USP25: variants seen among roughly 807,000 people sequenced by gnomAD.
USP25 encodes the protein ubiquitin specific peptidase 25.
In USP25, 85 loss-of-function variants were observed where a neutral mutation model predicts 158.5. That is an observed-to-expected ratio of 0.54 (90% CI 0.45 to 0.64). The LOEUF is 0.64. USP25 is among the 30% of genes least tolerant of loss of function. The probability of loss-of-function intolerance (pLI) is 0.00; values close to 1 mark genes in which losing one functional copy is unlikely to be tolerated. For missense variants in USP25, 1,242 were observed against 1,327.3 expected, an observed-to-expected ratio of 0.94 and a Z score of 1.00; for synonymous variants, 464 against 460.4, an observed-to-expected ratio of 1.01 and a Z score of -0.10.
rs553679086 is a variant in USP25, at chr21:15,826,810, G to T, written c.1467-167G>T. Among the ~76,000 whole-genome samples the T allele has an allele frequency of 5.3e-5, 8 of 152,222 alleles. No homozygotes were observed. The highest frequency in any genetic ancestry group is 1.9e-4 in the African/African-American group (8 of 41,536). On this transcript the variant is annotated intron_variant, in intron 13 of 25. Coordinates refer to ENST00000400183, the MANE Select transcript of USP25 (RefSeq NM_001283041.3). This position sits in a 1 kb window ranked among gnomAD's most constrained non-coding sequence, Gnocchi z 4.8. The stretch of plus-strand genomic sequence containing the variant: ...TACAACTTCATCTTATAATAATTTA[G>T]TTCTTATGTATTAAAAATCTCATTT...
At chr21:15,756,185 C>G (rs192435786) in intron 1 of USP25, among the ~76,000 whole-genome samples, 3 of 152,122 alleles carry the variant, frequency 2.0e-5, no homozygotes, top group African/African-American at 7.2e-5. Flanking sequence ...TTAATCTTCT[C>G]TGGTTTATAT....
At chr21:15,844,295 T>G (rs1354368156) in intron 18 of USP25, among the ~76,000 whole-genome samples, 1 of 152,158 alleles carries the variant, frequency 6.6e-6, no homozygotes, top group Non-Finnish European at 1.5e-5. Flanking sequence ...AGGTGAAAAG[T>G]ATCTTCAGAC....
intron 1 of USP25, among the ~76,000 whole-genome samples, chr21:15,741,982 G>A (rs190853280): frequency 2.6e-5 from 4 of 152,124 alleles, no homozygotes; most frequent in African/African-American, 9.6e-5. Context: ...ATTACACCGT[G>A]TACAAAAATA....
intron 22 of USP25, among the ~76,000 whole-genome samples, chr21:15,869,034 C>A (rs1336955132): frequency 1.3e-5 from 2 of 152,022 alleles, no homozygotes. Context: ...TTGTTTGAGG[C>A]CAGGAATTTG....
At chr21:15,793,728 T>G (rs1001670169) in intron 5 of USP25, among the ~76,000 whole-genome samples, 6 of 151,578 alleles carry the variant, frequency 4.0e-5, no homozygotes, top group Admixed American at 2.6e-4. Context: ...TAGAAAACAC[T>G]AAGCATCAGA....
In USP25 at chr21:15,842,420, A is replaced by C; in HGVS notation, c.2217A>C (p.Glu739Asp). ...VTTAQAAGDPEYLEQPSRSDF... is the reference protein window; with the variant it reads ...VTTAQAAGDPDYLEQPSRSDF... ...AAGCACAAGCAGCAGGAGACCCAGAATATCTAGAGCAGCCATCAAGAAGTG... is the reference window on the plus strand; with the variant it reads ...AAGCACAAGCAGCAGGAGACCCAGACTATCTAGAGCAGCCATCAAGAAGTG... Residue 739 changes from glutamate to aspartate, a missense_variant, in exon 18 of 26, where the codon GAA (glutamate) becomes GAC (aspartate). By Grantham distance (45) the Glu-to-Asp change is conservative. This residue lies in a region of USP25 where 608 missense variants were observed against 605.2 expected (regional missense o/e 1.00). Transcript: ENST00000400183. 6.2e-7 allele frequency: 1 copy of C among 1,613,670 alleles called. No individual in the cohort carries two copies. The highest frequency in any genetic ancestry group is 8.5e-7 in the Non-Finnish European group (1 of 1,179,722).
rs1342781020 is a variant in USP25, at chr21:15,879,747, GTTCT to G, written c.*1275_*1278del. ...TTGATACAGCGTCGCCAAAACTAGT[GTTCT>G]TTATTAGTGCCTCTCACAAAAGATC... On this transcript the variant is annotated 3_prime_UTR_variant, in exon 26 of 26. Transcript: ENST00000400183. 14 of 152,506 alleles carry G rather than the reference GTTCT, an allele frequency of 9.2e-5. No homozygotes were observed. Among genetic ancestry groups the G allele is most frequent in the Non-Finnish European group, 2.1e-4 (14 of 67,990 alleles). The allele number at this position is 152,506 out of a possible 1,614,324, so 9.4% of individuals were successfully genotyped here.
In USP25 at chr21:15,730,427, G is replaced by A. The variant is rs1397475139; in HGVS notation, c.34G>A (p.Ala12Thr). The A allele has an allele frequency of 7.3e-7, 1 of 1,365,756 alleles. No individual in the cohort carries two copies. 84.6% of individuals were successfully genotyped at this position (1,365,756 alleles called of 1,614,324 possible). ...GGAGCAGAACGTGCTGCAGCAGAGC[G>A]CGGCGCAGAAGGTGAGGCGAGTCCG... ...TVEQNVLQQS[A>T]AQKHQQTFLN... Residue 12 changes from alanine (A) to threonine (T), a missense_variant, in exon 1 of 26, where the codon GCG becomes ACG. Transcript: ENST00000400183.
chr21:15,742,864 C>T (rs1202128967), intron 1 of USP25, among the ~76,000 whole-genome samples: 1 of 152,238 alleles, frequency 6.6e-6, no homozygotes, highest in Non-Finnish European at 1.5e-5. Context: ...ATCCCACGAC[C>T]ACTGCCACTC....
intron 1 of USP25, among the ~76,000 whole-genome samples, chr21:15,759,645 T>G (rs2123380494): frequency 6.6e-6 from 1 of 152,294 alleles, no homozygotes; most frequent in Non-Finnish European, 1.5e-5. Flanking sequence ...GGTTTTATCA[T>G]GCAAATGAAG....
rs141033614 is a variant in USP25 at position 15,831,652 on chromosome 21, G to A, written c.1993+23G>A. The A allele has an allele frequency of 4.6e-5, 74 of 1,595,576 alleles. No individual in the cohort carries two copies. The Middle Eastern group carries it at 1.3e-3, about 29-fold the overall frequency. On this transcript the variant is annotated intron_variant, in intron 16 of 25. Transcript: ENST00000400183. Reference sequence around the variant, plus strand: ...AAGGTAAGAATATATAGGGTGGTGTGTATTTTTAAATAGTCATAAAAGTGG... The same window carrying A: ...AAGGTAAGAATATATAGGGTGGTGTATATTTTTAAATAGTCATAAAAGTGG...
chr21:15,767,966 CA>C (rs937337158), intron 3 of USP25, among the ~76,000 whole-genome samples: 1 of 151,100 alleles, frequency 6.6e-6, no homozygotes. Context: ...TTATGGAGGA[CA>C]AAAAAAAATT....
rs538178553 is a variant in USP25 at position 15,746,983 on chromosome 21, T to C, written c.46-15908T>C. ...TGCACTTCTTATTTTGTTAAAAATG[T>C]GTTATTGTTAATTTATACTTCTAGA... On this transcript the variant is annotated intron_variant, in intron 1 of 25. Coordinates refer to ENST00000400183, the MANE Select transcript of USP25 (RefSeq NM_001283041.3). Among the ~76,000 whole-genome samples, 12 of 152,332 alleles carry C rather than the reference T, an allele frequency of 7.9e-5. No homozygotes were observed. In the South Asian group the frequency reaches 1.0e-3, roughly 13 times the overall value.
intron 1 of USP25, among the ~76,000 whole-genome samples, chr21:15,738,642 A>G (rs556511345): frequency 2.0e-5 from 3 of 152,160 alleles, no homozygotes; most frequent in Non-Finnish European, 2.9e-5. Flanking sequence ...TCCAGAGACA[A>G]TTTTGTACTT....
chr21:15,854,337 G>A (rs1283732934), intron 20 of USP25, among the ~76,000 whole-genome samples: 2 of 151,946 alleles, frequency 1.3e-5, no homozygotes, highest in African/African-American at 4.8e-5. Flanking sequence ...GTAGAGACGG[G>A]GTTTCACCAT....
rs554191814 is a variant in USP25 at position 15,797,817 on chromosome 21, A to G, written c.556-1940A>G. Among the ~76,000 whole-genome samples, 7 of 151,262 alleles carry G rather than the reference A, an allele frequency of 4.6e-5. No individual in the cohort carries two copies. The South Asian group carries it at 1.5e-3, about 31-fold the overall frequency. ...GCTGTTAATTGTGGCTGAAAATATT[A>G]CAGTACTGAGAGAGAGAAGGAGAGG... On this transcript the variant is annotated intron_variant, in intron 5 of 25. Coordinates refer to ENST00000400183, the MANE Select transcript of USP25 (RefSeq NM_001283041.3).
intron 9 of USP25, among the ~76,000 whole-genome samples, chr21:15,814,798 T>C (rs2036850528): frequency 6.6e-6 from 1 of 152,034 alleles, no homozygotes; most frequent in Non-Finnish European, 1.5e-5. Context: ...GTTCAGAAAA[T>C]TTGCAGCCTG....
intron 20 of USP25, among the ~76,000 whole-genome samples, chr21:15,855,779 G>A (rs1433456253): frequency 1.3e-5 from 2 of 152,210 alleles, no homozygotes; most frequent in Non-Finnish European, 2.9e-5. Flanking sequence ...AGGTAGAACA[G>A]GAGTACTCCA....
At chr21:15,767,226 A>C (rs2034092130) in intron 3 of USP25, among the ~76,000 whole-genome samples, 1 of 152,074 alleles carries the variant, frequency 6.6e-6, no homozygotes, top group South Asian at 2.1e-4. Flanking sequence ...AATGGCTTGA[A>C]GTTCTCATGT....
Sources: gnomAD v4.1 joint callset for allele counts (sites outside exome capture counted in the v4.1 genomes callset) on GRCh38, gnomAD v4.1.1 for gene constraint, gnomAD v4.1.1 regional missense constraint, Gnocchi (gnomAD v3.1) non-coding constraint, MANE v1.5 for transcripts, NCBI Gene and HGNC (gene_info 2026-07-23, HGNC 2026-07-21) for gene names.